The following CACNB2 variants were observed in gnomAD, a reference collection of about 807,000 sequenced individuals.
The protein encoded by CACNB2 is voltage-dependent L-type calcium channel subunit beta-2.
CACNB2 carries 42 observed loss-of-function variants against 73.3 expected under a neutral mutation model. That is an observed-to-expected ratio of 0.57 (90% CI 0.45 to 0.74). The LOEUF (loss-of-function observed/expected upper bound fraction) is 0.74, where lower values mean the gene tolerates loss of function less well. Ranked by LOEUF, CACNB2 falls within the 30% of genes least tolerant of loss-of-function variation. The pLI is 0.00. For missense variants in CACNB2, 940 were observed against 853.0 expected, an observed-to-expected ratio of 1.10 and a Z score of -1.27; for synonymous variants, 348 against 310.3, an observed-to-expected ratio of 1.12 and a Z score of -1.28.
chr10:18,410,937 G>A (rs111358714), intron 3 of CACNB2, among the ~76,000 whole-genome samples: 9,831 of 152,040 alleles, frequency 0.065, 842 homozygotes, highest in African/African-American at 0.18. Context: ...CTGAGATCAC[G>A]CCACTGCACT....
chr10:18,264,708 C>T (rs1250927003), intron 2 of CACNB2, among the ~76,000 whole-genome samples: 6 of 152,202 alleles, frequency 3.9e-5, no homozygotes, highest in East Asian at 3.8e-4. Context: ...TGCAATTTCT[C>T]GTGCTCACGG....
intron 10 of CACNB2, among the ~76,000 whole-genome samples, chr10:18,531,342 C>T (rs1028887917): frequency 9.2e-5 from 14 of 152,124 alleles, no homozygotes; most frequent in African/African-American, 3.4e-4. Context: ...TTCTTCCTCC[C>T]ACCCTGATAG....
chr10:18,402,596 A>G (rs2044064952), intron 3 of CACNB2, among the ~76,000 whole-genome samples: 2 of 152,308 alleles, frequency 1.3e-5, no homozygotes, highest in African/African-American at 2.4e-5. Flanking sequence ...TCTCCATTCC[A>G]TCTTAATAAA....
chr10:18,481,421 A>G lies in CACNB2; in HGVS notation c.334-16934A>G, dbSNP rs181732334. Among the ~76,000 whole-genome samples, 291 of 149,236 alleles carry G rather than the reference A, an allele frequency of 1.9e-3. 1 individual carries two copies. Among genetic ancestry groups the G allele is most frequent in the African/African-American group, 7.1e-3 (286 of 40,480 alleles). On this transcript the variant is annotated intron_variant, in intron 3 of 13. Transcript: ENST00000324631. ...ACCATCATGCCCGGCTAGTTTTTGT[A>G]TTTTTAGTAGAGATGGAGTTTTACC...
chr10:18,408,364 G>A (rs76031173), intron 3 of CACNB2, among the ~76,000 whole-genome samples: 20,321 of 149,074 alleles, frequency 0.14, 1,668 homozygotes, highest in East Asian at 0.24. Flanking sequence ...TCAGCCTCCC[G>A]AGTAGCTGGG....
chr10:18,467,434 G>A (rs894850635), intron 3 of CACNB2, among the ~76,000 whole-genome samples: 1 of 152,152 alleles, frequency 6.6e-6, no homozygotes, highest in African/African-American at 2.4e-5. Flanking sequence ...GCCAGCAACT[G>A]GGAAAACAAT....
intron 2 of CACNB2, among the ~76,000 whole-genome samples, chr10:18,242,734 C>A (rs1039772962): frequency 6.6e-5 from 10 of 151,708 alleles, no homozygotes; most frequent in Non-Finnish European, 1.2e-4. Context: ...CCTGTAATCC[C>A]AGCACTTTGG....
intron 2 of CACNB2, among the ~76,000 whole-genome samples, chr10:18,322,097 G>A (rs2040418650): frequency 2.6e-5 from 4 of 152,058 alleles, no homozygotes; most frequent in African/African-American, 9.7e-5. Flanking sequence ...TGGAGGCTGT[G>A]GTGAGCTATG....
At chr10:18,417,179 A>T (rs2045022198) in intron 3 of CACNB2, among the ~76,000 whole-genome samples, 1 of 113,716 alleles carries the variant, frequency 8.8e-6, no homozygotes, top group Non-Finnish European at 1.8e-5. Context: ...ACGATTTTAA[A>T]AGTATAAACA....
chr10:18,326,838 C>T (rs372878024), intron 2 of CACNB2, among the ~76,000 whole-genome samples: 3 of 152,216 alleles, frequency 2.0e-5, no homozygotes, highest in South Asian at 2.1e-4. Flanking sequence ...GCAATCCTCC[C>T]GCTTCAGCCC....
At chr10:18,336,495 T>G (rs1001280657) in intron 2 of CACNB2, among the ~76,000 whole-genome samples, 1 of 152,144 alleles carries the variant, frequency 6.6e-6, no homozygotes, top group Non-Finnish European at 1.5e-5. Context: ...GGCGAGTGCC[T>G]GTAATTCCAG....
chr10:18,242,935 G>A (rs1230809157), intron 2 of CACNB2, among the ~76,000 whole-genome samples: 6 of 150,608 alleles, frequency 4.0e-5, no homozygotes, highest in Middle Eastern at 3.2e-3. Context: ...GCATGAACCC[G>A]GGAGGCGGAG....
intron 6 of CACNB2, among the ~76,000 whole-genome samples, chr10:18,511,885 C>T (rs539721762): frequency 1.3e-5 from 2 of 152,300 alleles, no homozygotes; most frequent in Admixed American, 1.3e-4. Context: ...TATAGACTCA[C>T]TTACGCAGGA....
intron 2 of CACNB2, among the ~76,000 whole-genome samples, chr10:18,258,960 C>T (rs570209006): frequency 5.5e-4 from 83 of 151,336 alleles, no homozygotes; most frequent in African/African-American, 1.9e-3. Context: ...TTGTTTTACT[C>T]TAGGTTTCTG....
At chr10:18,508,062 A>C (rs938055645) in intron 6 of CACNB2, among the ~76,000 whole-genome samples, 4 of 152,132 alleles carry the variant, frequency 2.6e-5, no homozygotes, top group African/African-American at 9.7e-5. Context: ...GGCATGAGCC[A>C]CCATGCCCAG....
chr10:18,415,977 T>G (rs2044934620), intron 3 of CACNB2, among the ~76,000 whole-genome samples: 1 of 152,110 alleles, frequency 6.6e-6, no homozygotes, highest in African/African-American at 2.4e-5. Flanking sequence ...TAAGACATTT[T>G]TTACAGGTAT....
chr10:18,325,992 C>T (rs903632611), intron 2 of CACNB2, among the ~76,000 whole-genome samples: 1 of 152,072 alleles, frequency 6.6e-6, no homozygotes, highest in Non-Finnish European at 1.5e-5. Flanking sequence ...CTCCTGGGCT[C>T]CCAAAGCTGC....
intron 3 of CACNB2, among the ~76,000 whole-genome samples, chr10:18,448,362 T>G (rs1173183450): frequency 2.6e-5 from 4 of 151,288 alleles, no homozygotes; most frequent in Non-Finnish European, 5.9e-5. Flanking sequence ...ATTATCCAGC[T>G]ACTCAGGAGC....
intron 5 of CACNB2, among the ~76,000 whole-genome samples, chr10:18,501,257 C>A (rs2050177681): frequency 6.6e-6 from 1 of 152,206 alleles, no homozygotes; most frequent in Non-Finnish European, 1.5e-5. Flanking sequence ...GAAAAATAGT[C>A]TGGCACATCA....
Sources: allele counts gnomAD v4.1 joint callset (sites outside exome capture counted in the v4.1 genomes callset), GRCh38; gene constraint gnomAD v4.1.1; transcripts MANE v1.5; gene names NCBI Gene and HGNC (gene_info 2026-07-23, HGNC 2026-07-21).